The following P2RY8 variants were observed in gnomAD, a reference collection of about 807,000 sequenced individuals.
P2RY8 encodes P2Y receptor family member 8.
In P2RY8, 6 loss-of-function variants were observed where a neutral mutation model predicts 10.0. That is an observed-to-expected ratio of 0.60 (90% CI 0.33 to 1.19). The LOEUF (loss-of-function observed/expected upper bound fraction) is 1.19. Among genes scored for constraint, P2RY8 ranks in the 50% most tolerant of loss-of-function variants. The pLI is 0.04. For missense variants in P2RY8, 456 were observed against 542.0 expected (o/e 0.84, Z 1.58); for synonymous variants, 276 against 252.5 (o/e 1.09, Z -0.88).
intron 1 of P2RY8, among the ~76,000 whole-genome samples, chrX:1,532,670 A>G (rs1480701403): frequency 2.0e-5 from 3 of 152,052 alleles, no homozygotes; most frequent in Non-Finnish European, 2.9e-5. Context: ...GTTCTCACTC[A>G]TAAGTGAGAG....
chrX:1,511,314 C>T (rs1210199598), intron 1 of P2RY8, among the ~76,000 whole-genome samples: 4 of 152,230 alleles, frequency 2.6e-5, no homozygotes, highest in African/African-American at 4.8e-5. Context: ...CCTGTATCCA[C>T]GTGTCAGGAT....
chrX:1,530,911 A>G (rs1326346151), intron 1 of P2RY8, among the ~76,000 whole-genome samples: 5 of 122,784 alleles, frequency 4.1e-5, no homozygotes, highest in African/African-American at 1.2e-4. Context: ...TCTATCATCT[A>G]TCTATCTAAT....
At chrX:1,484,582 G>A (rs2091969001) in intron 1 of P2RY8, among the ~76,000 whole-genome samples, 2 of 151,730 alleles carry the variant, frequency 1.3e-5, no homozygotes, top group Non-Finnish European at 2.9e-5. Context: ...AAAAAAATTA[G>A]CCGGGTGTCA....
intron 1 of P2RY8, among the ~76,000 whole-genome samples, chrX:1,527,471 G>A (rs1402058964): frequency 1.3e-5 from 2 of 148,740 alleles, no homozygotes; most frequent in African/African-American, 2.5e-5. Context: ...CCATCCATCC[G>A]TTCATCCTTC....
intron 1 of P2RY8, among the ~76,000 whole-genome samples, chrX:1,471,299 C>T (rs1341733384): frequency 6.9e-6 from 1 of 144,538 alleles, no homozygotes; most frequent in African/African-American, 2.6e-5. Context: ...TGAGCCACCG[C>T]GCCCAGCCCA....
In P2RY8 at chrX:1,530,277, C is replaced by CTATCTATA. The variant is rs1226181444; in HGVS notation, c.-25+6643_-25+6644insTATAGATA. Among the ~76,000 whole-genome samples, 569 of 147,348 alleles carry CTATCTATA rather than the reference C, an allele frequency of 3.9e-3. 3 individuals carry two copies. The highest frequency in any genetic ancestry group is 0.022 in the Middle Eastern group (6 of 276). ...ATTACCTATCATCACCATTATCTAT[C>CTATCTATA]TATCTATCTATCTATCTATCTATCT... is the stretch of plus-strand genomic sequence containing the variant. On this transcript the variant is annotated intron_variant, in intron 1 of 1. Coordinates refer to ENST00000381297, the MANE Select transcript of P2RY8 (RefSeq NM_178129.5).
chrX:1,514,721 CCCTTCCCTTCCTTCCCTT>C (rs773302560), intron 1 of P2RY8, among the ~76,000 whole-genome samples: 1 of 2,692 alleles, frequency 3.7e-4, no homozygotes, highest in Non-Finnish European at 1.4e-3. Context: ...TCCTTCCCTT[CCCTTCCCTTCCTTCCCTT>C]CCTTCCCTTC....
chrX:1,469,436 G>T (rs1260452879), intron 1 of P2RY8, among the ~76,000 whole-genome samples: 1 of 151,854 alleles, frequency 6.6e-6, no homozygotes, highest in Non-Finnish European at 1.5e-5. Flanking sequence ...TAAAGTGCTG[G>T]GATGACAGTC....
At chrX:1,487,723 G>T (rs1175478075) in intron 1 of P2RY8, among the ~76,000 whole-genome samples, 1 of 152,138 alleles carries the variant, frequency 6.6e-6, no homozygotes, top group Non-Finnish European at 1.5e-5. Context: ...TCATCCTGGT[G>T]CTCCCTGAGG....
rs1280375071 is a variant in P2RY8, at chrX:1,466,277, C to T, written c.282G>A (p.Leu94=). Residue 94 remains leucine (L), a synonymous_variant, in exon 2 of 2, where the codon CTG becomes CTA. Coordinates refer to ENST00000381297, the MANE Select transcript of P2RY8 (RefSeq NM_178129.5). ...AGGCCACGGTCACCACGTTGCAAAG[C>T]AGCACCCCGAATACCCAGTGGTGGC... ...CNRHHWVFGV[L]LCNVVTVAFY... 5.0e-6 allele frequency: 8 copies of T among 1,613,784 alleles called. No individual in the cohort carries two copies. Among genetic ancestry groups the T allele is most frequent in the Admixed American group, 3.3e-5 (2 of 59,994 alleles).
At position 1,465,447 on chromosome X, in the gene P2RY8, G is replaced by T. The variant is rs1355847134; in HGVS notation, c.*32C>A. On this transcript the variant is annotated 3_prime_UTR_variant, in exon 2 of 2. Coordinates refer to ENST00000381297, the MANE Select transcript of P2RY8 (RefSeq NM_178129.5). ...ATGCGCCCCTGGATCTCCAAGCTGC[G>T]CCCCCGGCTCTCCAAGCTGCGCCCC... is the stretch of plus-strand genomic sequence containing the variant. 2 of 1,567,530 alleles carry T rather than the reference G, an allele frequency of 1.3e-6. No homozygotes were observed. Among genetic ancestry groups the T allele is most frequent in the Non-Finnish European group, 8.6e-7 (1 of 1,159,962 alleles).
At chrX:1,523,989 C>A (rs2092411344) in intron 1 of P2RY8, among the ~76,000 whole-genome samples, 1 of 152,194 alleles carries the variant, frequency 6.6e-6, no homozygotes, top group Non-Finnish European at 1.5e-5. Context: ...CTGTGCCCGG[C>A]AAAGATGGTG....
chrX:1,521,329 AG>A (rs1169781203), intron 1 of P2RY8, among the ~76,000 whole-genome samples: 2 of 152,012 alleles, frequency 1.3e-5, no homozygotes, highest in African/African-American at 4.8e-5. Flanking sequence ...TACAGGCATG[AG>A]CCACCGCGCC....
intron 1 of P2RY8, among the ~76,000 whole-genome samples, chrX:1,469,879 G>A (rs1352725571): frequency 6.6e-6 from 1 of 151,934 alleles, no homozygotes; most frequent in East Asian, 1.9e-4. Flanking sequence ...ATCCAGCCTG[G>A]GCAACAGAGC....
At chrX:1,471,478 A>G (rs775081471) in intron 1 of P2RY8, among the ~76,000 whole-genome samples, 2 of 122,374 alleles carry the variant, frequency 1.6e-5, no homozygotes, top group South Asian at 5.2e-4. Flanking sequence ...TTTTTTTTTT[A>G]ATAATTTTAG....
In P2RY8 at chrX:1,465,512, C is replaced by A. The variant is rs139149007; in HGVS notation, c.1047G>T (p.Arg349Ser). The A allele has an allele frequency of 3.1e-6, 5 of 1,610,348 alleles. No individual in the cohort carries two copies. The highest frequency in any genetic ancestry group is 4.2e-6 in the Non-Finnish European group (5 of 1,178,836). ...AHPEGMEGAT[R>S]PGLQRQESVF ...CACTCTCCTGCCTCTGGAGGCCGGG[C>A]CTGGTGGCTCCCTCCATCCCTTCAG... The change falls in exon 2 of 2, where the codon AGG becomes AGT. Residue 349 changes from arginine (R) to serine (S), a missense_variant. Physicochemically the swap from Arg to Ser is moderately radical, Grantham distance 110. Transcript: ENST00000381297.
intron 1 of P2RY8, among the ~76,000 whole-genome samples, chrX:1,501,181 G>T (rs190724357): frequency 5.3e-5 from 8 of 152,216 alleles, no homozygotes; most frequent in Non-Finnish European, 7.3e-5. Context: ...CTTGGAAGGA[G>T]GTGGCTGTGT....
chrX:1,496,302 C>T (rs1185047406), intron 1 of P2RY8, among the ~76,000 whole-genome samples: 1 of 152,144 alleles, frequency 6.6e-6, no homozygotes, highest in East Asian at 1.9e-4. Context: ...GCTCCCCCGC[C>T]AGCTTCTCAG....
At chrX:1,517,412 C>G (rs2092359428) in intron 1 of P2RY8, among the ~76,000 whole-genome samples, 1 of 152,166 alleles carries the variant, frequency 6.6e-6, no homozygotes, top group Admixed American at 6.5e-5. Flanking sequence ...GCTTGGGCCC[C>G]CGCCCCATCC....
Sources: gnomAD v4.1 joint callset for allele counts (sites outside exome capture counted in the v4.1 genomes callset) on GRCh38, gnomAD v4.1.1 for gene constraint, MANE v1.5 for transcripts, NCBI Gene and HGNC (gene_info 2026-07-23, HGNC 2026-07-21) for gene names.